The following UGT1A10 variants were observed in gnomAD, a reference collection of about 807,000 sequenced individuals.
UGT1A10 encodes UDP-glucuronosyltransferase 1A10.
UGT1A10 carries 49 observed loss-of-function variants against 45.8 expected under a neutral mutation model. The observed-to-expected ratio is 1.07, with a 90% CI of 0.85 to 1.36. UGT1A10 has a LOEUF of 1.36. UGT1A10 is among the 40% of genes most tolerant of loss of function. The probability of loss-of-function intolerance (pLI) is 0.00; values close to 1 mark genes in which losing one functional copy is unlikely to be tolerated. For synonymous variants in UGT1A10, 284 were observed against 249.7 expected (o/e 1.14, Z -1.29); for missense variants, 745 against 668.6 (o/e 1.11, Z -1.26).
At chr2:233,657,844 G>C (rs1168777109) in intron 1 of UGT1A10, among the ~76,000 whole-genome samples, 1 of 151,938 alleles carries the variant, frequency 6.6e-6, no homozygotes, top group East Asian at 1.9e-4. Flanking sequence ...AAGAAATTGG[G>C]TTTTCTCTTC....
intron 1 of UGT1A10, among the ~76,000 whole-genome samples, chr2:233,701,060 T>C (rs1466041569): frequency 3.3e-5 from 5 of 152,358 alleles, no homozygotes; most frequent in African/African-American, 9.6e-5. Flanking sequence ...CATAATTTTT[T>C]ATGGCTGCAT....
chr2:233,728,104 A>G (rs1180093047), intron 1 of UGT1A10, among the ~76,000 whole-genome samples: 1 of 152,120 alleles, frequency 6.6e-6, no homozygotes, highest in Admixed American at 6.5e-5. Flanking sequence ...CACATATTTA[A>G]TTCTCCATCT....
At chr2:233,748,319 T>C (rs554683228) in intron 1 of UGT1A10, among the ~76,000 whole-genome samples, 1 of 151,864 alleles carries the variant, frequency 6.6e-6, no homozygotes, top group South Asian at 2.1e-4. Flanking sequence ...GGACTAGGAC[T>C]GATGTGACTC....
At chr2:233,708,251 T>C (rs1238096780) in intron 1 of UGT1A10, among the ~76,000 whole-genome samples, 1 of 152,210 alleles carries the variant, frequency 6.6e-6, no homozygotes, top group African/African-American at 2.4e-5. Flanking sequence ...GTGTACACTT[T>C]CCTTCATATC....
At chr2:233,718,834 T>A in intron 1 of UGT1A10, 1 of 1,613,600 alleles carries the variant, frequency 6.2e-7, no homozygotes, top group Non-Finnish European at 8.5e-7. Context: ...GCCAGAGGAC[T>A]CCAGGTTCCC....
At chr2:233,700,761 G>A (rs1358984875) in intron 1 of UGT1A10, among the ~76,000 whole-genome samples, 1 of 151,532 alleles carries the variant, frequency 6.6e-6, no homozygotes, top group East Asian at 1.9e-4. Context: ...TAGGGTACAT[G>A]TGCACAACGT....
At chr2:233,705,665 T>A (rs140439487) in intron 1 of UGT1A10, among the ~76,000 whole-genome samples, 1 of 152,330 alleles carries the variant, frequency 6.6e-6, no homozygotes, top group African/African-American at 2.4e-5. Flanking sequence ...AAATTATAGT[T>A]GTGAGATAAT....
chr2:233,669,927 C>T (rs367876155), intron 1 of UGT1A10, among the ~76,000 whole-genome samples: 27 of 152,226 alleles, frequency 1.8e-4, no homozygotes, highest in South Asian at 4.2e-4. Context: ...TCCCGTGATA[C>T]GCCCACCTTG....
At chr2:233,691,053 A>T in intron 1 of UGT1A10, 1 of 988,134 alleles carries the variant, frequency 1.0e-6, no homozygotes, top group Admixed American at 6.0e-5. Context: ...AGCAGAGTGG[A>T]GGTCTAGTAT....
At position 233,679,741 on chromosome 2, in the gene UGT1A10, A is replaced by C. The variant is rs1037953567; in HGVS notation, c.855+42364A>C. On this transcript the variant is annotated intron_variant, in intron 1 of 4. Coordinates refer to ENST00000344644, the MANE Select transcript of UGT1A10 (RefSeq NM_019075.4). ...TTTTAAAGCCAAACCTCTTTGTAAA[A>C]CTAGCAAACCATCCTTTGTTGCCAT... is the stretch of plus-strand genomic sequence containing the variant. 2.0e-5 allele frequency among the ~76,000 whole-genome samples: 3 copies of C among 152,000 alleles called. No homozygotes were observed. In the East Asian group the frequency reaches 5.8e-4, roughly 29 times the overall value.
chr2:233,719,667 A>G, intron 1 of UGT1A10: 1 of 1,614,118 alleles, frequency 6.2e-7, no homozygotes, highest in South Asian at 1.1e-5. Flanking sequence ...CAACTGTGCC[A>G]ACGGGAAGCC....
Position 233,664,178 on chromosome 2 carries a change from G to A in UGT1A10, c.855+26801G>A, listed in dbSNP as rs536221979. The stretch of plus-strand genomic sequence containing the variant: ...CTCATTTTCACATGAGACCTCATTA[G>A]CCTGGCCCTCACTGCTGATTTTTCT... On this transcript the variant is annotated intron_variant, in intron 1 of 4. Coordinates refer to ENST00000344644, the MANE Select transcript of UGT1A10 (RefSeq NM_019075.4). 5.3e-5 allele frequency among the ~76,000 whole-genome samples: 8 copies of A among 152,230 alleles called. No individual in the cohort carries two copies. In the South Asian group the frequency reaches 1.7e-3, roughly 32 times the overall value.
intron 1 of UGT1A10, chr2:233,729,458 T>G: frequency 6.2e-7 from 1 of 1,614,110 alleles, no homozygotes; most frequent in Non-Finnish European, 8.5e-7. Flanking sequence ...AAGAAATTTT[T>G]CAGAAGTATG....
chr2:233,671,890 A>C lies in UGT1A10; in HGVS notation c.855+34513A>C, dbSNP rs372887151. The C allele has an allele frequency of 1.3e-4, 205 of 1,563,476 alleles. 1 individual carries two copies. The African/African-American group carries it at 2.2e-3, about 17-fold the overall frequency. ...GTATTTCTCCCACCTACTGTATCAT[A>C]GGAGCTTAGATTCCCAGCTGCTTGC... On this transcript the variant is annotated intron_variant, in intron 1 of 4. Transcript: ENST00000344644.
rs575906647 is a variant in UGT1A10, at chr2:233,679,289, G to A, written c.855+41912G>A. ...CTGGCAATGCATTTTCTGCCTTCAC[G>A]GACAAAGCCTTGATGGAACCAATCC... On this transcript the variant is annotated intron_variant, in intron 1 of 4. Transcript: ENST00000344644. 2.6e-5 allele frequency among the ~76,000 whole-genome samples: 4 copies of A among 152,256 alleles called. No homozygotes were observed. In the East Asian group the frequency reaches 5.8e-4, roughly 22 times the overall value.
rs150454866 is a variant in UGT1A10 at position 233,672,715 on chromosome 2, T to C, written c.855+35338T>C. 4.4e-5 allele frequency: 71 copies of C among 1,613,982 alleles called. No individual in the cohort carries two copies. In the African/African-American group the frequency reaches 9.1e-4, roughly 21 times the overall value. On this transcript the variant is annotated intron_variant, in intron 1 of 4. Coordinates refer to ENST00000344644, the MANE Select transcript of UGT1A10 (RefSeq NM_019075.4). ...GTTGCGAACGGACTTTGTTTTGGAC[T>C]ATCCCAAACCCGTGATGCCCAACAT...
intron 1 of UGT1A10, among the ~76,000 whole-genome samples, chr2:233,764,720 G>A (rs1488683607): frequency 6.6e-6 from 1 of 152,208 alleles, no homozygotes; most frequent in African/African-American, 2.4e-5. Flanking sequence ...CCCCAAGAAA[G>A]AGGGAGAGAA....
chr2:233,755,291 C>G (rs1483791202), intron 1 of UGT1A10: 2 of 651,218 alleles, frequency 3.1e-6, no homozygotes, highest in Admixed American at 2.9e-5. Flanking sequence ...AAAGAGCCTG[C>G]GGGGCACTGG....
At chr2:233,649,021 C>T (rs1283289715) in intron 1 of UGT1A10, 3 of 1,284,488 alleles carry the variant, frequency 2.3e-6, no homozygotes, top group South Asian at 1.5e-5. Context: ...AAAGCCAGTG[C>T]CTATGGTAAG....
Sources: allele counts gnomAD v4.1 joint callset (sites outside exome capture counted in the v4.1 genomes callset), GRCh38; gene constraint gnomAD v4.1.1; transcripts MANE v1.5; gene names NCBI Gene and HGNC (gene_info 2026-07-23, HGNC 2026-07-21).